ZNF599: variants seen among roughly 807,000 people sequenced by gnomAD.
ZNF599 encodes the protein zinc finger protein 599.
ZNF599 carries 10 observed loss-of-function variants against 11.7 expected under a neutral mutation model. The observed-to-expected ratio is 0.86, with a 90% CI of 0.53 to 1.45. The LOEUF (loss-of-function observed/expected upper bound fraction) is 1.45. Ranked by LOEUF, ZNF599 falls within the 40% of genes most tolerant of loss-of-function variation. The pLI is 0.00. For synonymous variants in ZNF599, 232 were observed against 253.2 expected (o/e 0.92, Z 0.79); for missense variants, 688 against 713.6 (o/e 0.96, Z 0.41).
chr19:34,798,061 G>A, the ZNF599 span, among the ~76,000 whole-genome samples: 42 of 152,242 alleles, frequency 2.8e-4, no homozygotes, highest in East Asian at 5.2e-3. Flanking sequence ...ACTCCACGTC[G>A]GTTTATAGGC....
At chr19:34,783,533 G>A in the ZNF599 span, among the ~76,000 whole-genome samples, 7 of 152,268 alleles carry the variant, frequency 4.6e-5, no homozygotes, top group South Asian at 1.2e-3. Context: ...TAGGAACTCA[G>A]ACTGGTTGGC....
chr19:34,772,642 AT>A lies in ZNF599; in HGVS notation c.18+181del, dbSNP rs2069190726. ...CCTCTCCTTACAACTCCTGTCCTGG[AT>A]TCAGGACCCTGGGTAGGAAGTGATT... On this transcript the variant is annotated intron_variant, in intron 1 of 3. Transcript: ENST00000329285. 2.1e-6 allele frequency: 3 copies of A among 1,401,172 alleles called. No individual in the cohort carries two copies. In the East Asian group the frequency reaches 9.0e-5, roughly 42 times the overall value. 86.8% of individuals were successfully genotyped at this position (1,401,172 alleles called of 1,614,324 possible).
chr19:34,783,816 C>T, the ZNF599 span, among the ~76,000 whole-genome samples: 1 of 152,266 alleles, frequency 6.6e-6, no homozygotes, highest in African/African-American at 2.4e-5. Context: ...CATTAACTTC[C>T]TTCCCACAGG....
At position 34,759,042 on chromosome 19, in the gene ZNF599, T is replaced by A. The variant is rs2069089345; in HGVS notation, c.1759A>T (p.Arg587Ter). 1.2e-6 allele frequency: 2 copies of A among 1,606,616 alleles called. No homozygotes were observed. Among genetic ancestry groups the A allele is most frequent in the South Asian group, 2.2e-5 (2 of 90,324 alleles). Residue 587 changes from arginine (R) to a stop codon, truncating the protein, a stop_gained, in exon 4 of 4, where the codon AGA (arginine) becomes TGA (stop). Transcript: ENST00000329285. LOFTEE classifies it high-confidence loss of function. ...SFTHHRKIHT[R>*]V ...AGGCCTTCCTGTATCTTTTAAACTC[T>A]GGTATGAATCTTTCGATGGTGAGTG...
chr19:34,758,974 A>G lies in ZNF599; in HGVS notation c.*60T>C. 6.7e-7 allele frequency: 1 copy of G among 1,498,312 alleles called. No homozygotes were observed. The highest frequency in any genetic ancestry group is 1.3e-5 in the South Asian group (1 of 74,844). The allele number at this position is 1,498,312 out of a possible 1,614,324, so 92.8% of individuals were successfully genotyped here. Reference sequence around the variant, plus strand: ...AATAGTTATACTCAAAAGGAAAGGTATGTCACCACTATGAGTTCACTAAAG... The same window carrying G: ...AATAGTTATACTCAAAAGGAAAGGTGTGTCACCACTATGAGTTCACTAAAG... On this transcript the variant is annotated 3_prime_UTR_variant, in exon 4 of 4. Coordinates refer to ENST00000329285, the MANE Select transcript of ZNF599 (RefSeq NM_001007248.3).
chr19:34,759,285 G>T lies in ZNF599; in HGVS notation c.1516C>A (p.Pro506Thr), dbSNP rs368561716. 2 of 1,614,196 alleles carry T rather than the reference G, an allele frequency of 1.2e-6. No individual in the cohort carries two copies. Among genetic ancestry groups the T allele is most frequent in the South Asian group, 2.2e-5 (2 of 91,090 alleles). The change falls in exon 4 of 4, where the codon CCC (proline) becomes ACC (threonine). Residue 506 changes from proline to threonine, a missense_variant. Coordinates refer to ENST00000329285, the MANE Select transcript of ZNF599 (RefSeq NM_001007248.3). ...RHMRIHTGEK[P>T]YVCRECGKAF... is the part of the protein sequence containing the mutation. Reference sequence around the variant, plus strand: ...TTTCCACATTCTCTACAAACATAGGGCTTCTCTCCAGTGTGAATCCTCATG... The same window carrying T: ...TTTCCACATTCTCTACAAACATAGGTCTTCTCTCCAGTGTGAATCCTCATG...
chr19:34,769,893 T>C (rs2069171047), intron 1 of ZNF599, among the ~76,000 whole-genome samples: 1 of 152,230 alleles, frequency 6.6e-6, no homozygotes, highest in African/African-American at 2.4e-5. Context: ...CTCACTGGTC[T>C]GCACTGTTTG....
At chr19:34,773,632 A>G (rs1268491251), upstream of ZNF599, among the ~76,000 whole-genome samples, 1 of 152,194 alleles carries the variant, frequency 6.6e-6, no homozygotes, top group African/African-American at 2.4e-5. Flanking sequence ...TTTTCAGATG[A>G]CATCAGCATT....
At chr19:34,783,427 G>A in the ZNF599 span, among the ~76,000 whole-genome samples, 1 of 152,178 alleles carries the variant, frequency 6.6e-6, no homozygotes, top group Non-Finnish European at 1.5e-5. Context: ...TTATATGGGT[G>A]CTCCTTAGTT....
the ZNF599 span, among the ~76,000 whole-genome samples, chr19:34,790,440 A>G: frequency 0.12 from 17,799 of 152,228 alleles, 1,173 homozygotes; most frequent in South Asian, 0.17. Flanking sequence ...GCCTTAAAAA[A>G]GGGGGGAAAT....
At chr19:34,792,263 A>T in the ZNF599 span, among the ~76,000 whole-genome samples, 4 of 152,170 alleles carry the variant, frequency 2.6e-5, no homozygotes, top group African/African-American at 9.7e-5. Context: ...AACTTAAGTC[A>T]GTGGGTCTCA....
the ZNF599 span, among the ~76,000 whole-genome samples, chr19:34,789,521 T>C: frequency 6.6e-6 from 1 of 152,196 alleles, no homozygotes; most frequent in African/African-American, 2.4e-5. Context: ...CACGTGCTCT[T>C]TTCTCTTTTT....
the ZNF599 span, among the ~76,000 whole-genome samples, chr19:34,778,509 C>T: frequency 1.4e-3 from 209 of 152,038 alleles, no homozygotes; most frequent in African/African-American, 4.7e-3. Context: ...TAGATGTCTC[C>T]AGGTTTAGAG....
the ZNF599 span, among the ~76,000 whole-genome samples, chr19:34,806,140 C>T: frequency 6.6e-6 from 1 of 152,112 alleles, no homozygotes; most frequent in Non-Finnish European, 1.5e-5. Context: ...TTTGTGGCCA[C>T]AGGAACCTGT....
chr19:34,772,663 G>T, intron 1 of ZNF599, 161 bp downstream of exon 1: 1 of 1,427,184 alleles, frequency 7.0e-7, no homozygotes. Flanking sequence ...TGGGTAGGAA[G>T]TGATTAGCCC....
At chr19:34,782,056 AT>A in the ZNF599 span, among the ~76,000 whole-genome samples, 1 of 152,222 alleles carries the variant, frequency 6.6e-6, no homozygotes, top group Non-Finnish European at 1.5e-5. Flanking sequence ...GGTTACTGAT[AT>A]GTGAACCTAG....
At chr19:34,795,419 C>T in the ZNF599 span, among the ~76,000 whole-genome samples, 9 of 152,240 alleles carry the variant, frequency 5.9e-5, no homozygotes, top group South Asian at 2.1e-4. Context: ...GGACCACAGG[C>T]GCACACTACC....
At chr19:34,765,725 G>T in intron 3 of ZNF599, 1 of 700,244 alleles carries the variant, frequency 1.4e-6, no homozygotes, top group Middle Eastern at 2.3e-4. Context: ...CATAAAGTAG[G>T]TCAGATGCTC....
At chr19:34,777,887 G>C (rs1459506079), upstream of ZNF599, among the ~76,000 whole-genome samples, 1 of 151,920 alleles carries the variant, frequency 6.6e-6, no homozygotes, top group African/African-American at 2.4e-5. Context: ...ATGTTCTAGA[G>C]AGCTGCTGAA....
Sources: allele counts gnomAD v4.1 joint callset (sites outside exome capture counted in the v4.1 genomes callset), GRCh38; gene constraint gnomAD v4.1.1; transcripts MANE v1.5; gene names NCBI Gene and HGNC (gene_info 2026-07-23, HGNC 2026-07-21).